Variants in IL17B observed in about 807,000 individuals in gnomAD.
IL17B encodes interleukin 17B.
IL17B carries 14 observed loss-of-function variants against 14.7 expected under a neutral mutation model. The ratio of observed to expected loss-of-function variants is 0.95; its 90% CI spans 0.63 to 1.49. The LOEUF (loss-of-function observed/expected upper bound fraction) is 1.49. Among genes scored for constraint, IL17B ranks in the 40% most tolerant of loss-of-function variants. The probability of loss-of-function intolerance (pLI) is 0.00; values close to 1 mark genes in which losing one functional copy is unlikely to be tolerated. For synonymous variants in IL17B, 105 were observed against 94.8 expected (o/e 1.11, Z -0.62); for missense variants, 233 against 252.8 (o/e 0.92, Z 0.53).
upstream of IL17B, among the ~76,000 whole-genome samples, chr5:149,381,890 C>T (rs1047205888): frequency 1.5e-4 from 23 of 152,296 alleles, no homozygotes; most frequent in Middle Eastern, 0.01. Context: ...GGGCTCCCAC[C>T]CCACGAGTGA....
Position 149,376,795 on chromosome 5 carries a change from A to T in IL17B, c.252T>A (p.Cys84Ter). The change falls in exon 2 of 3, where the codon TGT becomes TGA. Residue 84 changes from cysteine (C) to a stop codon, truncating the protein, a stop_gained. Transcript: ENST00000261796. LOFTEE classifies it high-confidence loss of function. Reference sequence around the variant, plus strand: ...ACATCCACAGCTGCAAGTTGACCTCACACTTTCTCTGGGCCAGCTCTGAGC... The same window carrying T: ...ACATCCACAGCTGCAAGTTGACCTCTCACTTTCTCTGGGCCAGCTCTGAGC... ...RNSSELAQRK[C>*]EVNLQLWMSN... 6.2e-7 allele frequency: 1 copy of T among 1,613,882 alleles called. No homozygotes were observed. The highest frequency in any genetic ancestry group is 1.7e-4 in the Middle Eastern group (1 of 6,058).
rs1491235916 is a variant in IL17B at position 149,390,630 on chromosome 5, C to CACACACACACACACACAG, written n.95+13477_95+13478insCTGTGTGTGTGTGTGTGT. On this transcript the variant is annotated intron_variant and non_coding_transcript_variant, in intron 1 of 2. Coordinates refer to the IL17B transcript ENST00000505432. ...ACACACACACACACACACACACACA[C>CACACACACACACACACAG]AGAGATACACAAGGCCCTCCAAGTC... 5.3e-3 allele frequency among the ~76,000 whole-genome samples: 704 copies of CACACACACACACACACAG among 131,982 alleles called. 12 individuals carry two copies. The highest frequency in any genetic ancestry group is 0.018 in the African/African-American group (631 of 34,498). 86.6% of individuals were successfully genotyped at this position (131,982 alleles called of 152,430 possible).
At chr5:149,378,888 G>T (rs1038119903) in intron 1 of IL17B, among the ~76,000 whole-genome samples, 1 of 152,124 alleles carries the variant, frequency 6.6e-6, no homozygotes, top group African/African-American at 2.4e-5. Flanking sequence ...CTTGCCCAAG[G>T]TCACACAGCC....
At chr5:149,387,226 A>G (rs1024902631) in intron 1 of IL17B, among the ~76,000 whole-genome samples, 1 of 152,214 alleles carries the variant, frequency 6.6e-6, no homozygotes, top group African/African-American at 2.4e-5. Context: ...AATCTTGCCA[A>G]ATTTCCATTG....
intron 1 of IL17B, among the ~76,000 whole-genome samples, chr5:149,396,387 A>G (rs1200800205): frequency 6.6e-6 from 1 of 152,230 alleles, no homozygotes; most frequent in Non-Finnish European, 1.5e-5. Context: ...CATTGGCCAA[A>G]GTGAAGCATG....
intron 1 of IL17B, among the ~76,000 whole-genome samples, chr5:149,386,942 G>C (rs1758837670): frequency 1.3e-5 from 2 of 152,200 alleles, no homozygotes; most frequent in South Asian, 4.1e-4. Flanking sequence ...CTGAACTCAA[G>C]TGATCTACCC....
chr5:149,376,005 G>T (rs766247424), intron 2 of IL17B, among the ~76,000 whole-genome samples: 1 of 152,246 alleles, frequency 6.6e-6, no homozygotes, highest in African/African-American at 2.4e-5. Flanking sequence ...GAAAGTTCTG[G>T]TGAACAGTGC....
chr5:149,380,257 T>C (rs1758655631), upstream of IL17B, among the ~76,000 whole-genome samples: 1 of 152,120 alleles, frequency 6.6e-6, no homozygotes, highest in Non-Finnish European at 1.5e-5. Flanking sequence ...TTAAAACTGC[T>C]ATAAGGAATA....
chr5:149,402,383 G>A (rs958778628), intron 1 of IL17B, among the ~76,000 whole-genome samples: 2 of 152,062 alleles, frequency 1.3e-5, no homozygotes, highest in African/African-American at 4.8e-5. Flanking sequence ...CTACACCATT[G>A]TTCCCCTTCC....
intron 1 of IL17B, among the ~76,000 whole-genome samples, chr5:149,400,984 A>G (rs1204344069): frequency 6.6e-6 from 1 of 152,232 alleles, no homozygotes; most frequent in African/African-American, 2.4e-5. Flanking sequence ...AGCGATCTGC[A>G]TTGAAAAGCC....
chr5:149,387,971 C>T (rs1758860557), intron 1 of IL17B, among the ~76,000 whole-genome samples: 1 of 152,156 alleles, frequency 6.6e-6, no homozygotes, highest in Non-Finnish European at 1.5e-5. Flanking sequence ...CTACCCTAAC[C>T]TTTGCCCCAG....
upstream of IL17B, among the ~76,000 whole-genome samples, chr5:149,382,017 T>C (rs1187868068): frequency 1.3e-5 from 2 of 152,192 alleles, no homozygotes; most frequent in African/African-American, 4.8e-5. Flanking sequence ...CTCAGAGCCC[T>C]CTGCAGCAGG....
At chr5:149,385,747 G>T (rs945465606) in intron 1 of IL17B, among the ~76,000 whole-genome samples, 3 of 152,242 alleles carry the variant, frequency 2.0e-5, no homozygotes, top group African/African-American at 7.2e-5. Flanking sequence ...TTCCCCCAAA[G>T]CTGTCAGCGT....
At chr5:149,393,317 A>G (rs1759024394) in intron 1 of IL17B, among the ~76,000 whole-genome samples, 1 of 152,162 alleles carries the variant, frequency 6.6e-6, no homozygotes, top group South Asian at 2.1e-4. Flanking sequence ...TCAGTAGGAA[A>G]TGAGCTTTCA....
intron 1 of IL17B, among the ~76,000 whole-genome samples, chr5:149,400,290 C>T (rs192218976): frequency 2.6e-5 from 4 of 151,954 alleles, no homozygotes; most frequent in Non-Finnish European, 5.9e-5. Context: ...GATACATCTA[C>T]AAGCCAAGAA....
intron 1 of IL17B, among the ~76,000 whole-genome samples, chr5:149,378,548 C>T (rs1479224404): frequency 6.6e-6 from 1 of 152,222 alleles, no homozygotes; most frequent in African/African-American, 2.4e-5. Context: ...TCCCTGTATG[C>T]CTCACCTCAC....
chr5:149,401,150 T>C (rs10515627), intron 1 of IL17B, among the ~76,000 whole-genome samples: 19,228 of 152,222 alleles, frequency 0.13, 1,326 homozygotes, highest in East Asian at 0.22. Context: ...AGGACAATTT[T>C]GTGGTTTTCA....
At chr5:149,377,761 T>C (rs1260281246) in intron 1 of IL17B, among the ~76,000 whole-genome samples, 1 of 139,714 alleles carries the variant, frequency 7.2e-6, no homozygotes, top group Non-Finnish European at 1.5e-5. Context: ...AGGTGAGGCA[T>C]GGCAGGCATG....
chr5:149,398,014 C>A (rs577294139), intron 1 of IL17B, among the ~76,000 whole-genome samples: 1 of 152,300 alleles, frequency 6.6e-6, no homozygotes, highest in East Asian at 1.9e-4. Flanking sequence ...ACACAGATCT[C>A]CTCTAGAAAC....
Sources: allele counts gnomAD v4.1 joint callset (sites outside exome capture counted in the v4.1 genomes callset), GRCh38; gene constraint gnomAD v4.1.1; transcripts MANE v1.5; gene names NCBI Gene and HGNC (gene_info 2026-07-23, HGNC 2026-07-21).